SUCLA2: variants seen among roughly 807,000 people sequenced by gnomAD.
The protein encoded by SUCLA2 is succinate--CoA ligase [ADP-forming] subunit beta, mitochondrial.
Under a neutral mutation model 54.8 loss-of-function variants are expected in SUCLA2, and 30 were observed. That is an observed-to-expected ratio of 0.55 (90% CI 0.41 to 0.74). The LOEUF is 0.74. Among genes scored for constraint, SUCLA2 ranks in the 30% least tolerant of loss-of-function variants. The pLI, the probability that SUCLA2 is intolerant of heterozygous loss-of-function variation, is 0.00. For missense variants in SUCLA2, 476 were observed against 562.9 expected (o/e 0.85, Z 1.56); for synonymous variants, 172 against 188.9 (o/e 0.91, Z 0.74).
At position 47,981,764 on chromosome 13, in the gene SUCLA2, G is replaced by A. The variant is rs905326854; in HGVS notation, c.534+6777C>T. 4.5e-4 allele frequency among the ~76,000 whole-genome samples: 68 copies of A among 152,310 alleles called. 1 individual carries two copies. The highest frequency in any genetic ancestry group is 1.6e-3 in the African/African-American group (66 of 41,566). Reference sequence around the variant, plus strand: ...CCAGGAGGCGGAGGTTGTGAGCCGAGATCGCACCACTGCACTCCAGCCTGG... The same window carrying A: ...CCAGGAGGCGGAGGTTGTGAGCCGAAATCGCACCACTGCACTCCAGCCTGG... On this transcript the variant is annotated intron_variant, in intron 4 of 10. Transcript: ENST00000646932.
At chr13:47,989,161 C>T (rs552113883) in intron 2 of SUCLA2, among the ~76,000 whole-genome samples, 180 bp from the exon 3 acceptor site, 4 of 151,788 alleles carry the variant, frequency 2.6e-5, no homozygotes, top group Admixed American at 2.0e-4. Flanking sequence ...AAAATAATCA[C>T]TGTCTAAAAG....
intron 4 of SUCLA2, among the ~76,000 whole-genome samples, chr13:47,978,152 T>C (rs1950032622): frequency 1.3e-5 from 2 of 152,152 alleles, no homozygotes; most frequent in African/African-American, 4.8e-5. Context: ...CTTCACAGAA[T>C]TAGAAAAAAC....
chr13:47,976,447 G>A (rs1950014111), intron 4 of SUCLA2, among the ~76,000 whole-genome samples: 1 of 152,138 alleles, frequency 6.6e-6, no homozygotes, highest in African/African-American at 2.4e-5. Context: ...TAGAACACAT[G>A]TTCAACATTC....
At chr13:47,983,824 A>C (rs1283489895) in intron 4 of SUCLA2, among the ~76,000 whole-genome samples, 1 of 152,098 alleles carries the variant, frequency 6.6e-6, no homozygotes, top group Non-Finnish European at 1.5e-5. Context: ...TTTTATACCA[A>C]CTGGTAAAAG....
intron 5 of SUCLA2, among the ~76,000 whole-genome samples, chr13:47,972,439 C>T (rs551841300): frequency 8.6e-5 from 13 of 150,682 alleles, no homozygotes; most frequent in Admixed American, 7.3e-4. Context: ...GAGGCCGAGG[C>T]GGGTGGATCA....
Position 47,943,440 on chromosome 13 carries a change from T to C in SUCLA2, c.1323A>G (p.Val441=), listed in dbSNP as rs747340216. The stretch of plus-strand genomic sequence containing the variant: ...CTAAGGTCACTATTTCAGAGAGCTT[T>C]ACAACCTAAAAGAAAAGAACGAAGA... ...DDLDEAARMV[V]KLSEIVTLAK... The change falls in exon 11 of 11, where the codon GTA becomes GTG. Residue 441 remains valine, a synonymous_variant. Transcript: ENST00000646932. The C allele has an allele frequency of 1.2e-6, 2 of 1,613,866 alleles. No homozygotes were observed. The highest frequency in any genetic ancestry group is 2.2e-5 in the East Asian group (1 of 44,820).
chr13:47,943,589 G>T, intron 10 of SUCLA2, 144 bp from the exon 11 acceptor site: 2 of 712,252 alleles, frequency 2.8e-6, no homozygotes, highest in Non-Finnish European at 4.9e-6. Context: ...GTTCTTATAA[G>T]CAAATGACAT....
intron 8 of SUCLA2, among the ~76,000 whole-genome samples, 161 bp from the exon 9 acceptor site, chr13:47,949,764 T>C (rs1299290777): frequency 2.6e-5 from 4 of 152,244 alleles, no homozygotes; most frequent in African/African-American, 4.8e-5. Flanking sequence ...TTGAAGTCTA[T>C]GTAGTCCACT....
Position 47,966,878 on chromosome 13 carries a change from A to G in SUCLA2, c.802+1717T>C, listed in dbSNP as rs543492120. ...AAATTTTAAAAAGAATTAGCCAGGCATGGTGGTGGCATGGGCCTGTAGTCC... is the reference window on the plus strand; with the variant it reads ...AAATTTTAAAAAGAATTAGCCAGGCGTGGTGGTGGCATGGGCCTGTAGTCC... On this transcript the variant is annotated intron_variant, in intron 6 of 10. Transcript: ENST00000646932. Among the ~76,000 whole-genome samples the G allele has an allele frequency of 2.0e-5, 3 of 152,140 alleles. No homozygotes were observed. The East Asian group carries it at 5.8e-4, about 29-fold the overall frequency.
intron 4 of SUCLA2, among the ~76,000 whole-genome samples, chr13:47,980,176 G>T (rs1044899833): frequency 8.5e-5 from 13 of 152,284 alleles, no homozygotes; most frequent in African/African-American, 2.9e-4. Context: ...CAGCACTTTG[G>T]GAGGCTGAGG....
At chr13:47,955,169 G>A (rs1006084494) in intron 6 of SUCLA2, among the ~76,000 whole-genome samples, 1 of 152,102 alleles carries the variant, frequency 6.6e-6, no homozygotes, top group African/African-American at 2.4e-5. Context: ...AGAGGGGTGA[G>A]CAAACTATGG....
At chr13:47,993,815 C>A (rs1347254698) in intron 2 of SUCLA2, among the ~76,000 whole-genome samples, 3 of 152,138 alleles carry the variant, frequency 2.0e-5, no homozygotes, top group African/African-American at 7.2e-5. Flanking sequence ...GCAGGTGGAT[C>A]ACCTGAGGTC....
At chr13:47,964,762 CAGG>C (rs1421643580) in intron 6 of SUCLA2, among the ~76,000 whole-genome samples, 1 of 151,990 alleles carries the variant, frequency 6.6e-6, no homozygotes, top group East Asian at 1.9e-4. Context: ...GAGGCTGAGG[CAGG>C]AGAACGGCAT....
Position 47,951,407 on chromosome 13 carries a change from T to C in SUCLA2, c.1108-1804A>G, listed in dbSNP as rs117147072. Among the ~76,000 whole-genome samples the C allele has an allele frequency of 4.7e-3, 700 of 148,830 alleles. 6 individuals are homozygous for C. Among genetic ancestry groups the C allele is most frequent in the Non-Finnish European group, 6.5e-3 (435 of 67,268 alleles). ...TCAATGGAACTGACTTTCTTCACTA[T>C]AGAGCCTGGGACATATGGCTAAGCA... is the stretch of plus-strand genomic sequence containing the variant. On this transcript the variant is annotated intron_variant, in intron 8 of 10. Coordinates refer to ENST00000646932, the MANE Select transcript of SUCLA2 (RefSeq NM_003850.3).
intron 9 of SUCLA2, 100 bp from the exon 10 acceptor site, chr13:47,949,128 G>A (rs1949757361): frequency 1.7e-6 from 2 of 1,148,936 alleles, no homozygotes; most frequent in Non-Finnish European, 2.6e-6. Flanking sequence ...CCTCAACAGA[G>A]GAGACTTCCA....
Position 47,971,065 on chromosome 13 carries a change from T to G in SUCLA2, c.663+2199A>C, listed in dbSNP as rs112312877. 7.3e-5 allele frequency among the ~76,000 whole-genome samples: 11 copies of G among 150,548 alleles called. 1 individual carries two copies. The highest frequency in any genetic ancestry group is 2.7e-4 in the African/African-American group (11 of 40,972). On this transcript the variant is annotated intron_variant, in intron 5 of 10. Transcript: ENST00000646932. ...AAAAACTAAAAATAAAAATCAATAA[T>G]AAAAAAAAAGAAATGTTTAACTTCG...
In SUCLA2 at chr13:47,949,152, A is replaced by G. The variant is rs116556378; in HGVS notation, c.1229-124T>C. 1.6e-3 allele frequency: 1,575 copies of G among 960,294 alleles called. 11 individuals carry two copies. In the African/African-American group the frequency reaches 0.023, roughly 14 times the overall value. 59.5% of individuals were successfully genotyped at this position (960,294 alleles called of 1,614,324 possible). A position where few individuals can be genotyped will look rare whatever the true frequency, so the allele number is the denominator to read the frequency against. ...AGGAGACTTCCATTATTTAGTATAAACACTTCTAAACCAAAGAAAACACTG... is the reference window on the plus strand; with the variant it reads ...AGGAGACTTCCATTATTTAGTATAAGCACTTCTAAACCAAAGAAAACACTG... On this transcript the variant is annotated intron_variant, in intron 9 of 10. Coordinates refer to ENST00000646932, the MANE Select transcript of SUCLA2 (RefSeq NM_003850.3).
intron 1 of SUCLA2, chr13:48,000,932 T>C (rs1019205800): frequency 2.2e-6 from 3 of 1,387,036 alleles, no homozygotes; most frequent in African/African-American, 1.5e-5. Flanking sequence ...TCTTAGAAAC[T>C]GCAGGAGCAG....
In SUCLA2 at chr13:47,943,464, G is replaced by T. The variant is rs369690029; in HGVS notation, c.1318-19C>A. The T allele has an allele frequency of 5.6e-6, 9 of 1,612,818 alleles. No individual in the cohort carries two copies. The highest frequency in any genetic ancestry group is 3.3e-5 in the South Asian group (3 of 91,006). ...TTACAACCTAAAAGAAAAGAACGAA[G>T]AATTTTCACAAAAAGGTAAATTCAG... On this transcript the variant is annotated intron_variant, in intron 10 of 10. Coordinates refer to ENST00000646932, the MANE Select transcript of SUCLA2 (RefSeq NM_003850.3).
Sources: gnomAD v4.1 joint callset for allele counts (sites outside exome capture counted in the v4.1 genomes callset) on GRCh38, gnomAD v4.1.1 for gene constraint, MANE v1.5 for transcripts, NCBI Gene and HGNC (gene_info 2026-07-23, HGNC 2026-07-21) for gene names.